The following MAP3K4 variants were observed in gnomAD, a reference collection of about 807,000 sequenced individuals.
MAP3K4 encodes the protein mitogen-activated protein kinase kinase kinase 4.
A neutral mutation model predicts 185.6 loss-of-function variants in MAP3K4; 67 were observed. The observed-to-expected ratio is 0.36, with a 90% CI of 0.30 to 0.44. The LOEUF is 0.44. MAP3K4 is among the 20% of genes least tolerant of loss of function. The pLI, the probability that MAP3K4 is intolerant of heterozygous loss-of-function variation, is 1.00. For synonymous variants in MAP3K4, 702 were observed against 710.4 expected (o/e 0.99, Z 0.19); for missense variants, 1,551 against 1,995.1 (o/e 0.78, Z 4.24).
rs569885747 is a variant in MAP3K4, at chr6:160,996,613, A to G, written c.152+4530A>G. ...CTTTAACGTTGCCTATCAGTAGGCT[A>G]CTGGTAGTGGTTTCTTTAAAGAGAA... On this transcript the variant is annotated intron_variant, in intron 1 of 26. Transcript: ENST00000392142. This position sits in a 1 kb window ranked among gnomAD's most constrained non-coding sequence, Gnocchi z 4.5. Among the ~76,000 whole-genome samples the G allele has an allele frequency of 1.8e-4, 27 of 152,264 alleles. No individual in the cohort carries two copies. The highest frequency in any genetic ancestry group is 4.6e-4 in the African/African-American group (19 of 41,554).
chr6:161,050,274 C>T (rs1783941566), intron 3 of MAP3K4, among the ~76,000 whole-genome samples: 1 of 152,114 alleles, frequency 6.6e-6, no homozygotes, highest in Admixed American at 6.5e-5. Context: ...GGAAGAAAGC[C>T]ATAGTCATGG....
At chr6:161,019,138 G>T (rs529058887) in intron 1 of MAP3K4, among the ~76,000 whole-genome samples, 1 of 152,180 alleles carries the variant, frequency 6.6e-6, no homozygotes, top group African/African-American at 2.4e-5. Context: ...AGTAGTGGTT[G>T]TAAATGTTTC....
In MAP3K4 at chr6:161,084,856, G is replaced by T. The variant is rs1484496773; in HGVS notation, c.2372+239G>T. Among the ~76,000 whole-genome samples, 2 of 152,156 alleles carry T rather than the reference G, an allele frequency of 1.3e-5. No individual in the cohort carries two copies. The highest frequency in any genetic ancestry group is 4.8e-5 in the African/African-American group (2 of 41,436). ...GAATTTATTTAGTGTGATAAAAATA[G>T]TGCCAACTGGCTGGGCGCGGTGGCT... On this transcript the variant is annotated intron_variant, in intron 7 of 26. Coordinates refer to ENST00000392142, the MANE Select transcript of MAP3K4 (RefSeq NM_005922.4). The surrounding 1 kb of genome is among the most constrained non-coding windows in gnomAD (Gnocchi z 4.6).
rs1362830616 is a variant in MAP3K4 at position 161,100,859 on chromosome 6, A to G, written c.3675-1033A>G. Among the ~76,000 whole-genome samples, 3 of 152,124 alleles carry G rather than the reference A, an allele frequency of 2.0e-5. No homozygotes were observed. Among genetic ancestry groups the G allele is most frequent in the Admixed American group, 6.5e-5 (1 of 15,276 alleles). On this transcript the variant is annotated intron_variant, in intron 17 of 26. Coordinates refer to ENST00000392142, the MANE Select transcript of MAP3K4 (RefSeq NM_005922.4). This position sits in a 1 kb window ranked among gnomAD's most constrained non-coding sequence, Gnocchi z 5.8. Reference sequence around the variant, plus strand: ...TGGTTTTCCCGTCAGATAGTGCCGAATTTTTTATGAACTATATGGCAGTAG... The same window carrying G: ...TGGTTTTCCCGTCAGATAGTGCCGAGTTTTTTATGAACTATATGGCAGTAG...
rs144874095 is a variant in MAP3K4, at chr6:161,112,851, ATTAT to A, written c.4626+83_4626+86del. The A allele has an allele frequency of 0.045, 40,874 of 908,642 alleles. 1,166 individuals are homozygous for A. The highest frequency in any genetic ancestry group is 0.075 in the South Asian group (2,549 of 33,802). 56.3% of individuals were successfully genotyped at this position (908,642 alleles called of 1,614,324 possible). On this transcript the variant is annotated intron_variant, in intron 25 of 26. Coordinates refer to ENST00000392142, the MANE Select transcript of MAP3K4 (RefSeq NM_005922.4). The surrounding 1 kb of genome is among the most constrained non-coding windows in gnomAD (Gnocchi z 5.1). ...TTAACAGAACAGTAGTTATGGATTG[ATTAT>A]TTATTACAAACACTGTGGACACTAA...
At chr6:161,020,265 CTTTGTTTGTTTGTTTG>C (rs58355990) in intron 1 of MAP3K4, among the ~76,000 whole-genome samples, 3 of 151,476 alleles carry the variant, frequency 2.0e-5, no homozygotes, top group African/African-American at 7.3e-5. Flanking sequence ...ATGGACTTTT[CTTTGTTTGTTTGTTTG>C]TTTGTTTGTT....
chr6:160,992,019 C>T lies in MAP3K4; in HGVS notation c.88C>T (p.Pro30Ser), dbSNP rs771440561. ...AAMEEPPPPP[P>S]PPPPPPEPET... is the part of the protein sequence containing the mutation. ...CATGGAGGAGCCGCCGCCACCGCCGCCGCCGCCACCACCGCCACCGGAACC... is the reference window on the plus strand; with the variant it reads ...CATGGAGGAGCCGCCGCCACCGCCGTCGCCGCCACCACCGCCACCGGAACC... Residue 30 changes from proline (P) to serine (S), a missense_variant, in exon 1 of 27, where the codon CCG (proline) becomes TCG (serine). This residue lies in a region of MAP3K4 where 287 missense variants were observed against 268.8 expected (regional missense o/e 1.07). Coordinates refer to ENST00000392142, the MANE Select transcript of MAP3K4 (RefSeq NM_005922.4). 1.0e-5 allele frequency: 16 copies of T among 1,555,042 alleles called. No homozygotes were observed. The East Asian group carries it at 3.7e-4, about 36-fold the overall frequency.
chr6:161,006,909 G>T (rs149731750), intron 1 of MAP3K4, among the ~76,000 whole-genome samples: 2 of 151,872 alleles, frequency 1.3e-5, no homozygotes, highest in East Asian at 3.9e-4. Flanking sequence ...TAGACAAATA[G>T]AAAAAAATAA....
rs2114823508 is a variant in MAP3K4, at chr6:161,074,327, CTGAA to C, written c.2097+718_2097+721del. Among the ~76,000 whole-genome samples the C allele has an allele frequency of 6.6e-6, 1 of 152,368 alleles. No individual in the cohort carries two copies. Among genetic ancestry groups the C allele is most frequent in the East Asian group, 1.9e-4 (1 of 5,190 alleles). ...GAGACCTCCTGTCTTCTCACTTACA[CTGAA>C]TGTGCCCTGTGCTTTTAACCTCTGT... On this transcript the variant is annotated intron_variant, in intron 5 of 26. Transcript: ENST00000392142. The surrounding 1 kb of genome is among the most constrained non-coding windows in gnomAD (Gnocchi z 5.0).
Position 161,075,964 on chromosome 6 carries a change from A to G in MAP3K4, c.2097+2352A>G, listed in dbSNP as rs1305693066. On this transcript the variant is annotated intron_variant, in intron 5 of 26. Transcript: ENST00000392142. The surrounding 1 kb of genome is among the most constrained non-coding windows in gnomAD (Gnocchi z 4.3). Reference sequence around the variant, plus strand: ...ATTAGGAAGGAAGGAAAGAACAGCAATTGAATTGGCAGTCAAATTATGTTT... The same window carrying G: ...ATTAGGAAGGAAGGAAAGAACAGCAGTTGAATTGGCAGTCAAATTATGTTT... Among the ~76,000 whole-genome samples the G allele has an allele frequency of 6.6e-6, 1 of 152,210 alleles. No individual in the cohort carries two copies. Among genetic ancestry groups the G allele is most frequent in the African/African-American group, 2.4e-5 (1 of 41,452 alleles).
At chr6:161,092,949 T>C (rs372616961) in intron 13 of MAP3K4, 29 bp from the exon 14 acceptor site, 63 of 1,409,910 alleles carry the variant, frequency 4.5e-5, no homozygotes, top group South Asian at 8.1e-5. Flanking sequence ...TTGGTTGTTA[T>C]GTGATTACTG....
chr6:161,091,992 C>G lies in MAP3K4; in HGVS notation c.3136-18C>G. On this transcript the variant is annotated intron_variant, in intron 12 of 26. Transcript: ENST00000392142. This position sits in a 1 kb window ranked among gnomAD's most constrained non-coding sequence, Gnocchi z 5.5. ...TGATCATTTCCTTAATGTTGATATA[C>G]ATGAAATCTTCTTACAGTATCATAA... 6.3e-7 allele frequency: 1 copy of G among 1,597,618 alleles called. No homozygotes were observed. Among genetic ancestry groups the G allele is most frequent in the Non-Finnish European group, 8.6e-7 (1 of 1,165,416 alleles).
At chr6:161,039,733 G>A (rs1390440553) in intron 2 of MAP3K4, among the ~76,000 whole-genome samples, 3 of 152,164 alleles carry the variant, frequency 2.0e-5, no homozygotes, top group East Asian at 1.9e-4. Flanking sequence ...GTAAAGATAA[G>A]AGAGATGCAC....
At chr6:161,001,146 A>G (rs1284577902) in intron 1 of MAP3K4, among the ~76,000 whole-genome samples, 7 of 147,750 alleles carry the variant, frequency 4.7e-5, no homozygotes, top group African/African-American at 1.5e-4. Context: ...GTATATAAGT[A>G]TATATGTATA....
chr6:161,023,085 A>G (rs75395220), intron 1 of MAP3K4, among the ~76,000 whole-genome samples: 1 of 152,200 alleles, frequency 6.6e-6, no homozygotes, highest in Admixed American at 6.5e-5. Flanking sequence ...CCAGCTTTAT[A>G]TGAAAAGGTA....
rs1381670646 is a variant in MAP3K4 at position 161,063,802 on chromosome 6, A to G, written c.1708-6806A>G. ...CTAATTTCACAGAAGTTCTCTGTAG[A>G]CTCTGTGAGCTTTTCATAGAGCACT... On this transcript the variant is annotated intron_variant, in intron 3 of 26. Transcript: ENST00000392142. This position sits in a 1 kb window ranked among gnomAD's most constrained non-coding sequence, Gnocchi z 5.4. Among the ~76,000 whole-genome samples, 2 of 151,954 alleles carry G rather than the reference A, an allele frequency of 1.3e-5. No individual in the cohort carries two copies. Among genetic ancestry groups the G allele is most frequent in the Non-Finnish European group, 2.9e-5 (2 of 68,006 alleles).
At chr6:161,079,143 G>A (rs1785319416) in intron 5 of MAP3K4, among the ~76,000 whole-genome samples, 1 of 150,078 alleles carries the variant, frequency 6.7e-6, no homozygotes, top group Admixed American at 6.7e-5. Context: ...GAACCTGGGA[G>A]GCAGTGGTTG....
At chr6:161,050,623 A>G (rs1783961633) in intron 3 of MAP3K4, among the ~76,000 whole-genome samples, 1 of 152,200 alleles carries the variant, frequency 6.6e-6, no homozygotes, top group Non-Finnish European at 1.5e-5. Context: ...CACTAGAGGA[A>G]GTGACTTGAA....
At chr6:161,030,066 G>A (rs76934782) in intron 1 of MAP3K4, among the ~76,000 whole-genome samples, 5,839 of 152,156 alleles carry the variant, frequency 0.038, 150 homozygotes, top group South Asian at 0.072. Flanking sequence ...GAGTTTGTTG[G>A]ATCTGCGAGC....
Sources: gnomAD v4.1 joint callset for allele counts (sites outside exome capture counted in the v4.1 genomes callset) on GRCh38, gnomAD v4.1.1 for gene constraint, gnomAD v4.1.1 regional missense constraint, Gnocchi (gnomAD v3.1) non-coding constraint, MANE v1.5 for transcripts, NCBI Gene and HGNC (gene_info 2026-07-23, HGNC 2026-07-21) for gene names.